The following SLC4A4 variants were observed in gnomAD, a reference collection of about 807,000 sequenced individuals.
The protein encoded by SLC4A4 is electrogenic sodium bicarbonate cotransporter 1.
SLC4A4 carries 27 observed loss-of-function variants against 111.5 expected under a neutral mutation model. The ratio of observed to expected loss-of-function variants is 0.24; its 90% CI spans 0.18 to 0.33. SLC4A4 has a LOEUF of 0.33. Ranked by LOEUF, SLC4A4 falls within the 10% of genes least tolerant of loss-of-function variation. The pLI is 1.00. For missense variants in SLC4A4, 909 were observed against 1,315.5 expected (o/e 0.69, Z 4.78); for synonymous variants, 443 against 463.4 (o/e 0.96, Z 0.57).
At chr4:71,067,449 A>G (rs1741550486) in intron 1 of SLC4A4, among the ~76,000 whole-genome samples, 1 of 152,180 alleles carries the variant, frequency 6.6e-6, no homozygotes, top group African/African-American at 2.4e-5. Flanking sequence ...TATCTTGATT[A>G]TTGGCTATTT....
rs187862807 is a variant in SLC4A4 at position 71,171,698 on chromosome 4, T to C, written c.-1-64878T>C. ...AAGCAGTTTATTAGTACAGCACCACTATACCTAGTATGTAAATTTTCTTTT... is the reference window on the plus strand; with the variant it reads ...AAGCAGTTTATTAGTACAGCACCACCATACCTAGTATGTAAATTTTCTTTT... On this transcript the variant is annotated intron_variant, in intron 2 of 26. Coordinates refer to the SLC4A4 transcript ENST00000649996. Among the ~76,000 whole-genome samples, 27 of 152,350 alleles carry C rather than the reference T, an allele frequency of 1.8e-4. No homozygotes were observed. In the East Asian group the frequency reaches 5.2e-3, roughly 29 times the overall value.
intron 3 of SLC4A4, among the ~76,000 whole-genome samples, chr4:71,336,943 C>G (rs1202826646): frequency 6.6e-6 from 1 of 152,154 alleles, no homozygotes; most frequent in Non-Finnish European, 1.5e-5. Flanking sequence ...TTCTTGTTGT[C>G]CAGTTCTGTC....
intron 3 of SLC4A4, among the ~76,000 whole-genome samples, chr4:71,280,421 T>G (rs1723419880): frequency 6.6e-6 from 1 of 152,234 alleles, no homozygotes; most frequent in African/African-American, 2.4e-5. Context: ...ATGTATTTAT[T>G]TTTGCTTTTG....
chr4:71,307,500 G>A lies in SLC4A4; in HGVS notation c.254-31870G>A, dbSNP rs569988043. On this transcript the variant is annotated intron_variant, in intron 3 of 25. Coordinates refer to ENST00000264485, the MANE Select transcript of SLC4A4 (RefSeq NM_001098484.3). ...TATAACTGGTTACCAAGGGTTAATT[G>A]TGGTGAATATAGAATGAGAGTAGCT... 2.0e-5 allele frequency among the ~76,000 whole-genome samples: 3 copies of A among 152,318 alleles called. No individual in the cohort carries two copies. The South Asian group carries it at 6.2e-4, about 32-fold the overall frequency.
intron 8 of SLC4A4, among the ~76,000 whole-genome samples, chr4:71,441,455 A>G (rs929600350): frequency 3.3e-5 from 5 of 152,168 alleles, no homozygotes; most frequent in Non-Finnish European, 7.3e-5. Flanking sequence ...CAGACAGTTT[A>G]AAGAAAACTT....
intron 15 of SLC4A4, among the ~76,000 whole-genome samples, chr4:71,490,348 G>T (rs1009636338): frequency 6.6e-6 from 1 of 151,494 alleles, no homozygotes; most frequent in Admixed American, 6.6e-5. Flanking sequence ...TTTTTAAATT[G>T]AGGCATACCT....
intron 3 of SLC4A4, among the ~76,000 whole-genome samples, chr4:71,313,773 A>T (rs1345062368): frequency 1.3e-5 from 2 of 152,206 alleles, no homozygotes; most frequent in Non-Finnish European, 2.9e-5. Flanking sequence ...ATTAACTCAG[A>T]TGGATTAAAG....
chr4:71,420,130 G>A (rs890841758), intron 7 of SLC4A4, among the ~76,000 whole-genome samples: 1 of 152,196 alleles, frequency 6.6e-6, no homozygotes, highest in African/African-American at 2.4e-5. Flanking sequence ...CCAATACAGA[G>A]AAGTACTTAA....
At chr4:71,496,723 G>A (rs1299628172) in intron 15 of SLC4A4, among the ~76,000 whole-genome samples, 3 of 152,020 alleles carry the variant, frequency 2.0e-5, no homozygotes, top group African/African-American at 7.2e-5. Flanking sequence ...AGGAACAAGA[G>A]TGAGCTGCTA....
chr4:71,484,431 A>C (rs538770961), intron 14 of SLC4A4, among the ~76,000 whole-genome samples: 1 of 151,572 alleles, frequency 6.6e-6, no homozygotes, highest in East Asian at 2.0e-4. Flanking sequence ...TGAATAGGGA[A>C]TCCTATTGCT....
intron 14 of SLC4A4, 112 bp from the exon 15 acceptor site, chr4:71,486,836 T>A: frequency 1.6e-6 from 1 of 625,408 alleles, no homozygotes; most frequent in East Asian, 2.9e-5. Flanking sequence ...CTTATGTTGT[T>A]ATTAAAGACA....
At chr4:71,123,214 A>T (rs1391664616) in intron 2 of SLC4A4, among the ~76,000 whole-genome samples, 1 of 152,234 alleles carries the variant, frequency 6.6e-6, no homozygotes, top group African/African-American at 2.4e-5. Flanking sequence ...GGAGGACTTT[A>T]TAAAACAATA....
chr4:71,225,080 G>A (rs1457738202), intron 1 of SLC4A4, among the ~76,000 whole-genome samples: 5 of 152,148 alleles, frequency 3.3e-5, no homozygotes, highest in African/African-American at 9.7e-5. Context: ...GGCCAGGTGC[G>A]GTGGCTCACG....
At chr4:71,430,560 C>T (rs990292546) in intron 7 of SLC4A4, among the ~76,000 whole-genome samples, 1 of 152,046 alleles carries the variant, frequency 6.6e-6, no homozygotes, top group Non-Finnish European at 1.5e-5. Context: ...CAGAAATGCA[C>T]CTCAAATTAA....
At chr4:71,483,174 T>C (rs1352048162) in intron 14 of SLC4A4, among the ~76,000 whole-genome samples, 1 of 151,680 alleles carries the variant, frequency 6.6e-6, no homozygotes, top group Non-Finnish European at 1.5e-5. Flanking sequence ...TGTTTTTGTT[T>C]TTGTAACTTT....
chr4:71,090,060 C>T (rs868254503), intron 1 of SLC4A4, among the ~76,000 whole-genome samples: 17 of 151,986 alleles, frequency 1.1e-4, no homozygotes, highest in Admixed American at 2.6e-4. Context: ...CGAGCTTCCT[C>T]GCCAGTTTGT....
chr4:71,474,951 C>A (rs1057509959), intron 14 of SLC4A4, among the ~76,000 whole-genome samples: 4 of 151,692 alleles, frequency 2.6e-5, no homozygotes, highest in African/African-American at 9.7e-5. Context: ...CTATATGGAG[C>A]TCTTCCTAGG....
At chr4:71,214,037 T>A (rs1205540259) in intron 1 of SLC4A4, among the ~76,000 whole-genome samples, 1 of 152,236 alleles carries the variant, frequency 6.6e-6, no homozygotes, top group Non-Finnish European at 1.5e-5. Context: ...ATTTTTATGC[T>A]TGTTCAGTTG....
At chr4:71,394,391 A>C (rs1035666528) in intron 6 of SLC4A4, among the ~76,000 whole-genome samples, 1 of 152,126 alleles carries the variant, frequency 6.6e-6, no homozygotes, top group Non-Finnish European at 1.5e-5. Context: ...CCCAACAAAC[A>C]TGAAAAAAAT....
Sources: gnomAD v4.1 joint callset for allele counts (sites outside exome capture counted in the v4.1 genomes callset) on GRCh38, gnomAD v4.1.1 for gene constraint, MANE v1.5 for transcripts, NCBI Gene and HGNC (gene_info 2026-07-23, HGNC 2026-07-21) for gene names.